ZNF83: variants seen among roughly 807,000 people sequenced by gnomAD.
The protein encoded by ZNF83 is zinc finger protein 83.
For missense variants in ZNF83, 552 were observed against 629.9 expected (o/e 0.88, Z 1.32); for synonymous variants, 209 against 213.0 (o/e 0.98, Z 0.17).
intron 2 of ZNF83, among the ~76,000 whole-genome samples, chr19:52,628,407 A>G (rs555183346): frequency 1.3e-3 from 201 of 152,114 alleles, no homozygotes; most frequent in African/African-American, 4.5e-3. Flanking sequence ...TCTCCTTTCA[A>G]TCTTGGCACC....
chr19:52,686,459 C>CATATATATATAT (rs3055374), intron 1 of ZNF83, among the ~76,000 whole-genome samples: 2 of 143,128 alleles, frequency 1.4e-5, no homozygotes, highest in South Asian at 4.4e-4. Flanking sequence ...AAAAAAATTA[C>CATATATATATAT]ATATATATAT....
chr19:52,658,255 G>A (rs2061533583), intron 2 of ZNF83, among the ~76,000 whole-genome samples: 2 of 152,010 alleles, frequency 1.3e-5, no homozygotes, highest in South Asian at 4.2e-4. Context: ...TACACATTAT[G>A]AAAGTCCCAG....
chr19:52,631,534 T>C (rs1020640130), intron 2 of ZNF83, among the ~76,000 whole-genome samples: 205 of 152,330 alleles, frequency 1.3e-3, no homozygotes, highest in Admixed American at 2.0e-3. Context: ...TCATACCTGA[T>C]GCATATACTT....
At chr19:52,652,833 T>A in intron 3 of ZNF83, 1 of 944,318 alleles carries the variant, frequency 1.1e-6, no homozygotes, top group Non-Finnish European at 1.7e-6. Context: ...CAGTATGAAG[T>A]CTATGATGGC....
At chr19:52,618,749 T>G (rs35068187) in intron 2 of ZNF83, 1 of 1,118,580 alleles carries the variant, frequency 8.9e-7, no homozygotes, top group South Asian at 1.7e-5. Flanking sequence ...TGAGCTATCA[T>G]GAAGAACGCA....
chr19:52,682,840 A>G (rs1186160733), intron 1 of ZNF83, among the ~76,000 whole-genome samples: 2 of 152,082 alleles, frequency 1.3e-5, no homozygotes, highest in Non-Finnish European at 2.9e-5. Flanking sequence ...TGTACTCCAG[A>G]CCTGGGCCAC....
intron 3 of ZNF83, among the ~76,000 whole-genome samples, chr19:52,648,013 G>C (rs959002531): frequency 7.3e-5 from 11 of 151,220 alleles, no homozygotes; most frequent in Middle Eastern, 3.2e-3. Flanking sequence ...TGTCCTGGCT[G>C]CAAATCCCTC....
At chr19:52,689,938 A>G (rs2062119468) in intron 1 of ZNF83, among the ~76,000 whole-genome samples, 1 of 152,126 alleles carries the variant, frequency 6.6e-6, no homozygotes, top group African/African-American at 2.4e-5. Flanking sequence ...CGGAGGAGAG[A>G]CCTGGGGAGC....
At chr19:52,647,653 CTCTTT>C (rs927845384) in intron 3 of ZNF83, among the ~76,000 whole-genome samples, 3 of 151,810 alleles carry the variant, frequency 2.0e-5, no homozygotes, top group Non-Finnish European at 4.4e-5. Flanking sequence ...CTCTCTCTAG[CTCTTT>C]TTTTTCTATT....
intron 3 of ZNF83, chr19:52,653,140 C>G (rs1326941020): frequency 2.0e-6 from 3 of 1,472,300 alleles, no homozygotes; most frequent in Non-Finnish European, 2.8e-6. Flanking sequence ...ACACTCATGA[C>G]AGTTGTAAGG....
chr19:52,661,825 G>A (rs769459004), intron 1 of ZNF83, among the ~76,000 whole-genome samples: 3 of 152,208 alleles, frequency 2.0e-5, no homozygotes, highest in Non-Finnish European at 2.9e-5. Flanking sequence ...GGGCCTGTGG[G>A]AGATCACAAA....
intron 1 of ZNF83, among the ~76,000 whole-genome samples, chr19:52,671,400 G>A (rs947331851): frequency 6.6e-6 from 1 of 151,792 alleles, no homozygotes; most frequent in African/African-American, 2.4e-5. Flanking sequence ...CACTCTATGT[G>A]CCTTCTGAAA....
At chr19:52,647,231 AAACT>A (rs2061383631) in intron 3 of ZNF83, among the ~76,000 whole-genome samples, 1 of 152,322 alleles carries the variant, frequency 6.6e-6, no homozygotes, top group South Asian at 2.1e-4. Flanking sequence ...TTCCAAGTGA[AAACT>A]AACCTCTGAT....
intron 2 of ZNF83, among the ~76,000 whole-genome samples, chr19:52,634,746 A>T (rs993284954): frequency 3.9e-5 from 6 of 152,110 alleles, no homozygotes; most frequent in South Asian, 2.1e-4. Flanking sequence ...GAGTTGACAG[A>T]GCATCCAGAT....
At chr19:52,679,952 G>A (rs898289290) in intron 1 of ZNF83, among the ~76,000 whole-genome samples, 3 of 152,152 alleles carry the variant, frequency 2.0e-5, no homozygotes, top group East Asian at 1.9e-4. Context: ...AGGCTGAGGC[G>A]GGTGGATCAC....
rs1195386401 is a variant in ZNF83 at position 52,687,601 on chromosome 19, A to G, written c.-283+2842T>C. 7.0e-3 allele frequency among the ~76,000 whole-genome samples: 205 copies of G among 29,412 alleles called. 27 individuals carry two copies. The highest frequency in any genetic ancestry group is 0.026 in the African/African-American group (190 of 7,438). The allele number at this position is 29,412 out of a possible 152,430, so 19.3% of individuals were successfully genotyped here. On this transcript the variant is annotated intron_variant, in intron 1 of 5. Transcript: ENST00000594682. Reference sequence around the variant, plus strand: ...TTTTATATATATATATATATAATGTATATATATATAATGTGTATATATATA... The same window carrying G: ...TTTTATATATATATATATATAATGTGTATATATATAATGTGTATATATATA...
rs1395336807 is a variant in ZNF83, at chr19:52,670,285, A to G, written c.-282-9442T>C. 3.3e-5 allele frequency among the ~76,000 whole-genome samples: 5 copies of G among 151,668 alleles called. No homozygotes were observed. In the East Asian group the frequency reaches 9.7e-4, roughly 29 times the overall value. On this transcript the variant is annotated intron_variant, in intron 1 of 5. Transcript: ENST00000594682. ...TCCATAACATTTTTCCTGCCAAACC[A>G]CTCACCTTGTCACTCTCTTTAAATT...
chr19:52,636,013 T>G, intron 1 of ZNF83: 1 of 147,020 alleles, frequency 6.8e-6, no homozygotes, highest in Non-Finnish European at 1.5e-5. Context: ...AAAAACTATG[T>G]AGACCACGTG....
At chr19:52,650,798 G>C (rs1217613241) in intron 3 of ZNF83, 1 of 152,200 alleles carries the variant, frequency 6.6e-6, no homozygotes, top group Admixed American at 6.5e-5. Flanking sequence ...GCAAAGTTAG[G>C]TATAGGCTTG....
Sources: gnomAD v4.1 joint callset for allele counts (sites outside exome capture counted in the v4.1 genomes callset) on GRCh38, gnomAD v4.1.1 for gene constraint, MANE v1.5 for transcripts, NCBI Gene and HGNC (gene_info 2026-07-23, HGNC 2026-07-21) for gene names.